The following TBC1D16 variants were observed in gnomAD, a reference collection of about 807,000 sequenced individuals.
TBC1D16 encodes CTD-2529O21.1.
TBC1D16 carries 58 observed loss-of-function variants against 74.7 expected under a neutral mutation model. The observed-to-expected ratio is 0.78, with a 90% CI of 0.63 to 0.97. The LOEUF (loss-of-function observed/expected upper bound fraction) is 0.97, where lower values mean the gene tolerates loss of function less well. Ranked by LOEUF, TBC1D16 falls within the 50% of genes least tolerant of loss-of-function variation. The pLI is 0.00. For synonymous variants in TBC1D16, 493 were observed against 474.7 expected (o/e 1.04, Z -0.50); for missense variants, 1,014 against 1,079.5 (o/e 0.94, Z 0.85).
rs2031913962 is a variant in TBC1D16, at chr17:79,940,928, G to A, written c.2235C>T (p.Ser745=). Reference sequence around the variant, plus strand: ...TCTTGCCTTCCCTCAGGGACTTGGGGGAAGGCATCTCCACCGTGCCCCCGT... The same window carrying A: ...TCTTGCCTTCCCTCAGGGACTTGGGAGAAGGCATCTCCACCGTGCCCCCGT... ...CPYGGTVEMP[S]PKSLREGKKG... The change falls in exon 12 of 12, where the codon TCC becomes TCT. Residue 745 remains serine (S), a synonymous_variant. Transcript: ENST00000310924. This position sits in a 1 kb window ranked among gnomAD's most constrained non-coding sequence, Gnocchi z 5.4. 5 of 1,594,322 alleles carry A rather than the reference G, an allele frequency of 3.1e-6. No homozygotes were observed. The South Asian group carries it at 3.4e-5, about 11-fold the overall frequency.
chr17:79,966,542 C>T (rs975068141), intron 3 of TBC1D16, among the ~76,000 whole-genome samples: 5 of 152,150 alleles, frequency 3.3e-5, no homozygotes, highest in African/African-American at 1.2e-4. Context: ...TCTCCAAGGC[C>T]CCGCTCAAAC....
intron 9 of TBC1D16, 31 bp downstream of exon 9, chr17:79,947,614 C>G (rs748348045): frequency 6.2e-7 from 1 of 1,611,154 alleles, no homozygotes; most frequent in East Asian, 2.2e-5. Flanking sequence ...CCTCACATGC[C>G]CTTGGACGCA....
intron 3 of TBC1D16, among the ~76,000 whole-genome samples, chr17:79,955,797 G>A (rs949704670): frequency 6.6e-6 from 1 of 152,174 alleles, no homozygotes; most frequent in African/African-American, 2.4e-5. Context: ...ACTATCACTG[G>A]AAAACAAACA....
In TBC1D16 at chr17:79,962,307, C is replaced by T. The variant is rs148854712; in HGVS notation, c.780-9489G>A. On this transcript the variant is annotated intron_variant, in intron 3 of 11. Transcript: ENST00000310924. Reference sequence around the variant, plus strand: ...TTGGCTCACTGCAACCTCCACCTCCCGGACTCAAGCAATTCTCCTGCCTCA... The same window carrying T: ...TTGGCTCACTGCAACCTCCACCTCCTGGACTCAAGCAATTCTCCTGCCTCA... Among the ~76,000 whole-genome samples, 306 of 147,818 alleles carry T rather than the reference C, an allele frequency of 2.1e-3. 2 individuals carry two copies. Among genetic ancestry groups the T allele is most frequent in the African/African-American group, 6.9e-3 (278 of 40,072 alleles).
chr17:79,940,605 A>G lies in TBC1D16; in HGVS notation c.*254T>C. ...GGAGAGCCCAGCCAGCCTGCGTCTC[A>G]GGTGCGGTGGCTGCGCGTTCCACTG... On this transcript the variant is annotated 3_prime_UTR_variant, in exon 12 of 12. Coordinates refer to ENST00000310924, the MANE Select transcript of TBC1D16 (RefSeq NM_019020.4). The surrounding 1 kb of genome is among the most constrained non-coding windows in gnomAD (Gnocchi z 5.4). The G allele has an allele frequency of 2.7e-6, 1 of 367,154 alleles. No individual in the cohort carries two copies. Among genetic ancestry groups the G allele is most frequent in the East Asian group, 4.2e-5 (1 of 23,924 alleles). The allele number at this position is 367,154 out of a possible 1,614,324, so 22.7% of individuals were successfully genotyped here.
intron 3 of TBC1D16, chr17:79,992,066 T>C (rs1485745759): frequency 2.6e-5 from 4 of 152,324 alleles, no homozygotes; most frequent in African/African-American, 9.6e-5. Flanking sequence ...GGCTGGCTTG[T>C]GTGCTCCGCC....
chr17:79,948,117 C>T (rs2143615411), intron 8 of TBC1D16, among the ~76,000 whole-genome samples: 1 of 152,312 alleles, frequency 6.6e-6, no homozygotes, highest in South Asian at 2.1e-4. Context: ...TCGACACTAG[C>T]CTGGCCAACA....
intron 3 of TBC1D16, among the ~76,000 whole-genome samples, chr17:80,003,314 A>C (rs2035559744): frequency 6.6e-6 from 1 of 152,140 alleles, no homozygotes; most frequent in Non-Finnish European, 1.5e-5. Flanking sequence ...CCCAAACACC[A>C]TCTTGCCTAG....
chr17:79,943,225 C>T (rs188974669), intron 10 of TBC1D16, among the ~76,000 whole-genome samples: 22 of 152,292 alleles, frequency 1.4e-4, no homozygotes, highest in East Asian at 7.7e-4. Flanking sequence ...TAATCTGGGA[C>T]GGTCTTGTTT....
chr17:79,975,668 T>C lies in TBC1D16; in HGVS notation c.780-22850A>G, dbSNP rs1288224031. 6.6e-6 allele frequency among the ~76,000 whole-genome samples: 1 copy of C among 152,152 alleles called. No individual in the cohort carries two copies. Among genetic ancestry groups the C allele is most frequent in the Non-Finnish European group, 1.5e-5 (1 of 68,026 alleles). ...CTGAAGTGAAAAGACAAATATCATT[T>C]TTCCTCCAGTTTGCAACCAACTGTG... On this transcript the variant is annotated intron_variant, in intron 3 of 11. Coordinates refer to ENST00000310924, the MANE Select transcript of TBC1D16 (RefSeq NM_019020.4). This position sits in a 1 kb window ranked among gnomAD's most constrained non-coding sequence, Gnocchi z 4.5.
intron 1 of TBC1D16, among the ~76,000 whole-genome samples, chr17:80,030,257 G>A (rs544845236): frequency 8.2e-4 from 124 of 152,106 alleles, no homozygotes; most frequent in Non-Finnish European, 1.1e-3. Context: ...CTCGCAGGGC[G>A]GCCTCTGACC....
chr17:79,997,805 G>T (rs983812090), intron 3 of TBC1D16, among the ~76,000 whole-genome samples: 1 of 152,156 alleles, frequency 6.6e-6, no homozygotes, highest in African/African-American at 2.4e-5. Flanking sequence ...AGTGGCAGGC[G>T]TCCATCATTG....
intron 9 of TBC1D16, among the ~76,000 whole-genome samples, chr17:79,946,246 C>G (rs1201308003): frequency 6.6e-6 from 1 of 152,260 alleles, no homozygotes; most frequent in East Asian, 1.9e-4. Context: ...TGAAACTGTT[C>G]CCCCTCACAT....
rs372781452 is a variant in TBC1D16, at chr17:80,012,338, C to T, written c.181+1029G>A. Among the ~76,000 whole-genome samples, 11 of 152,280 alleles carry T rather than the reference C, an allele frequency of 7.2e-5. No individual in the cohort carries two copies. The East Asian group carries it at 1.7e-3, about 24-fold the overall frequency. Reference sequence around the variant, plus strand: ...CCAGGCAACCTCCGGGTCGAGGGGCCGCATCGCCCAGAACCTGCACCCCTT... The same window carrying T: ...CCAGGCAACCTCCGGGTCGAGGGGCTGCATCGCCCAGAACCTGCACCCCTT... On this transcript the variant is annotated intron_variant, in intron 2 of 11. Coordinates refer to ENST00000310924, the MANE Select transcript of TBC1D16 (RefSeq NM_019020.4).
Position 80,008,046 on chromosome 17 carries a change from G to C in TBC1D16, c.779+2114C>G, listed in dbSNP as rs2096073087. Among the ~76,000 whole-genome samples, 1 of 151,156 alleles carries C rather than the reference G, an allele frequency of 6.6e-6. No homozygotes were observed. The highest frequency in any genetic ancestry group is 1.5e-5 in the Non-Finnish European group (1 of 67,864). On this transcript the variant is annotated intron_variant, in intron 3 of 11. Coordinates refer to ENST00000310924, the MANE Select transcript of TBC1D16 (RefSeq NM_019020.4). The surrounding 1 kb of genome is among the most constrained non-coding windows in gnomAD (Gnocchi z 4.5). ...TAAAAAAAAAAAAAAAGTGTCTCCT[G>C]GCATTGCCATACACCCCCTGGGCAC...
chr17:80,015,753 G>T (rs1159450592), intron 1 of TBC1D16, among the ~76,000 whole-genome samples: 1 of 152,102 alleles, frequency 6.6e-6, no homozygotes, highest in Non-Finnish European at 1.5e-5. Flanking sequence ...GCTCACACCT[G>T]TAATCCCAGC....
rs746450905 is a variant in TBC1D16, at chr17:79,960,779, CAAAAAAAAAAA to C, written c.780-7972_780-7962del. Among the ~76,000 whole-genome samples, 141 of 33,948 alleles carry C rather than the reference CAAAAAAAAAAA, an allele frequency of 4.2e-3. 5 individuals are homozygous for C. Among genetic ancestry groups the C allele is most frequent in the African/African-American group, 0.013 (120 of 9,548 alleles). 22.3% of individuals were successfully genotyped at this position (33,948 alleles called of 152,430 possible). ...CAAAAAAACCCAAAAAACAAAAACC[CAAAAAAAAAAA>C]AAAAAAAAAAAAAAAAAAACGAAGG... On this transcript the variant is annotated intron_variant, in intron 3 of 11. Coordinates refer to ENST00000310924, the MANE Select transcript of TBC1D16 (RefSeq NM_019020.4).
rs959458103 is a variant in TBC1D16 at position 80,013,431 on chromosome 17, G to A, written c.117C>T (p.Tyr39=). Residue 39 remains tyrosine (Y), a synonymous_variant, in exon 2 of 12, where the codon TAC becomes TAT. Transcript: ENST00000310924. ...SPSVLDGEII[Y]SKNNVCVHPP... ...GGTGCACGCAGACATTGTTCTTGGAGTAGATGATCTCTCCATCCAGGACAG... is the reference window on the plus strand; with the variant it reads ...GGTGCACGCAGACATTGTTCTTGGAATAGATGATCTCTCCATCCAGGACAG... 6.2e-7 allele frequency: 1 copy of A among 1,607,334 alleles called. No individual in the cohort carries two copies. Among genetic ancestry groups the A allele is most frequent in the Non-Finnish European group, 8.5e-7 (1 of 1,177,378 alleles).
Position 79,975,295 on chromosome 17 carries a change from C to T in TBC1D16, c.780-22477G>A, listed in dbSNP as rs1189420430. 2.0e-5 allele frequency among the ~76,000 whole-genome samples: 3 copies of T among 152,214 alleles called. No individual in the cohort carries two copies. The highest frequency in any genetic ancestry group is 4.4e-5 in the Non-Finnish European group (3 of 68,024). On this transcript the variant is annotated intron_variant, in intron 3 of 11. Transcript: ENST00000310924. This position sits in a 1 kb window ranked among gnomAD's most constrained non-coding sequence, Gnocchi z 4.5. The stretch of plus-strand genomic sequence containing the variant: ...ACAAACCCGATCTCCTGTAATCTAC[C>T]TGGATTGGAACGCCCAGCTTTGTAC...
Sources: allele counts gnomAD v4.1 joint callset (sites outside exome capture counted in the v4.1 genomes callset), GRCh38; gene constraint gnomAD v4.1.1; non-coding constraint Gnocchi (gnomAD v3.1); transcripts MANE v1.5; gene names NCBI Gene and HGNC (gene_info 2026-07-23, HGNC 2026-07-21).